The following TDRD3 variants were observed in gnomAD, a reference collection of about 807,000 sequenced individuals.
The protein encoded by TDRD3 is tudor domain containing 3.
In TDRD3, 45 loss-of-function variants were observed where a neutral mutation model predicts 86.7. That is an observed-to-expected ratio of 0.52 (90% CI 0.41 to 0.67). TDRD3 has a LOEUF of 0.67. Among genes scored for constraint, TDRD3 ranks in the 30% least tolerant of loss-of-function variants. TDRD3 has a pLI of 0.00. For synonymous variants in TDRD3, 298 were observed against 301.7 expected (o/e 0.99, Z 0.13); for missense variants, 814 against 889.0 (o/e 0.92, Z 1.07).
chr13:60,522,479 A>C (rs1415528915), intron 10 of TDRD3, among the ~76,000 whole-genome samples: 1 of 152,228 alleles, frequency 6.6e-6, no homozygotes, highest in Non-Finnish European at 1.5e-5. Flanking sequence ...AAAGCCAGAT[A>C]CTGTCCTAAG....
At chr13:60,450,211 TCAGA>T (rs1955505229) in intron 3 of TDRD3, among the ~76,000 whole-genome samples, 1 of 152,166 alleles carries the variant, frequency 6.6e-6, no homozygotes, top group African/African-American at 2.4e-5. Flanking sequence ...CCCTCAGCTG[TCAGA>T]CAAACTGCTA....
intron 5 of TDRD3, among the ~76,000 whole-genome samples, chr13:60,469,349 C>T (rs1566217109): frequency 1.3e-5 from 2 of 151,826 alleles, no homozygotes. Context: ...ATATAATTTT[C>T]CCACAACCCA....
chr13:60,444,587 C>A, intron 2 of TDRD3, 96 bp from the exon 3 acceptor site: 1 of 735,810 alleles, frequency 1.4e-6, no homozygotes, highest in Non-Finnish European at 2.1e-6. Flanking sequence ...ATTTTTGTTT[C>A]ACAAACCATA....
At chr13:60,482,173 G>A (rs944713073) in intron 5 of TDRD3, among the ~76,000 whole-genome samples, 2 of 152,256 alleles carry the variant, frequency 1.3e-5, no homozygotes, top group African/African-American at 4.8e-5. Flanking sequence ...GGTTTCTGGA[G>A]CTTCTTTATT....
intron 12 of TDRD3, among the ~76,000 whole-genome samples, chr13:60,562,347 A>C (rs1486993946): frequency 6.6e-6 from 1 of 152,022 alleles, no homozygotes; most frequent in Non-Finnish European, 1.5e-5. Context: ...AAAAGAAAAG[A>C]AAAGCTGATT....
intron 12 of TDRD3, among the ~76,000 whole-genome samples, chr13:60,564,980 A>T (rs1052965245): frequency 6.7e-6 from 1 of 150,276 alleles, no homozygotes; most frequent in African/African-American, 2.4e-5. Flanking sequence ...AGTATTTAAA[A>T]GTTAAAAAGC....
At chr13:60,553,881 G>A (rs781231484) in intron 12 of TDRD3, among the ~76,000 whole-genome samples, 2 of 151,970 alleles carry the variant, frequency 1.3e-5, no homozygotes, top group African/African-American at 2.4e-5. Context: ...ATATAATGAG[G>A]TTTTATATTA....
intron 4 of TDRD3, among the ~76,000 whole-genome samples, chr13:60,461,229 CAG>C (rs1291333938): frequency 2.0e-5 from 3 of 152,152 alleles, no homozygotes; most frequent in South Asian, 2.1e-4. Flanking sequence ...AATGTTCTTG[CAG>C]AGTTTTATAG....
intron 13 of TDRD3, among the ~76,000 whole-genome samples, chr13:60,569,588 T>G (rs1379557583): frequency 6.6e-6 from 1 of 152,130 alleles, no homozygotes; most frequent in African/African-American, 2.4e-5. Context: ...AAAATTTATA[T>G]GGAACCACAA....
chr13:60,445,518 A>T (rs965000719), intron 3 of TDRD3, among the ~76,000 whole-genome samples: 1 of 152,130 alleles, frequency 6.6e-6, no homozygotes, highest in African/African-American at 2.4e-5. Flanking sequence ...TCTTTTGGTT[A>T]TAGTGGCTAT....
At chr13:60,535,019 G>A in intron 11 of TDRD3, 89 bp from the exon 12 acceptor site, 1 of 1,490,284 alleles carries the variant, frequency 6.7e-7, no homozygotes, top group Non-Finnish European at 9.1e-7. Flanking sequence ...TTACACATTG[G>A]AACACTTTAA....
At chr13:60,544,127 C>T (rs1415064285) in intron 12 of TDRD3, among the ~76,000 whole-genome samples, 6 of 151,118 alleles carry the variant, frequency 4.0e-5, no homozygotes, top group Non-Finnish European at 7.4e-5. Flanking sequence ...TTTTTTCTGT[C>T]GTTAAGCTAG....
chr13:60,554,168 G>A (rs1958132395), intron 12 of TDRD3, among the ~76,000 whole-genome samples: 1 of 152,150 alleles, frequency 6.6e-6, no homozygotes, highest in South Asian at 2.1e-4. Flanking sequence ...GCTTGACATT[G>A]ACAGGATTCT....
intron 2 of TDRD3, among the ~76,000 whole-genome samples, chr13:60,442,437 T>C (rs1031097160): frequency 1.3e-5 from 2 of 151,962 alleles, no homozygotes; most frequent in African/African-American, 4.8e-5. Context: ...GTAGATGCTT[T>C]GAAAATTATT....
chr13:60,466,976 T>TTTG (rs981825265), intron 4 of TDRD3, among the ~76,000 whole-genome samples: 3 of 150,758 alleles, frequency 2.0e-5, no homozygotes, highest in Non-Finnish European at 4.5e-5. Context: ...GTGTGTGTGT[T>TTTG]TTTTTGTTTT....
At chr13:60,482,421 G>A in intron 5 of TDRD3, among the ~76,000 whole-genome samples, 1 of 152,050 alleles carries the variant, frequency 6.6e-6, no homozygotes, top group Non-Finnish European at 1.5e-5. Flanking sequence ...AAGATTGTTA[G>A]TTGTTTTTAA....
At position 60,484,836 on chromosome 13, in the gene TDRD3, A is replaced by C. The variant is rs777737217; in HGVS notation, c.568-963A>C. On this transcript the variant is annotated intron_variant, in intron 6 of 13. Transcript: ENST00000377881. ...TTCTAATAACTTATATTTGAAAATA[A>C]TAGTATATTTGTAAAAATTTACCCT... The C allele has an allele frequency of 8.6e-6, 3 of 350,684 alleles. No individual in the cohort carries two copies. In the East Asian group the frequency reaches 2.5e-4, roughly 29 times the overall value. 21.7% of individuals were successfully genotyped at this position (350,684 alleles called of 1,614,324 possible).
rs200205483 is a variant in TDRD3 at position 60,560,084 on chromosome 13, A to G, written c.2119-7441A>G. Among the ~76,000 whole-genome samples, 5 of 152,158 alleles carry G rather than the reference A, an allele frequency of 3.3e-5. No individual in the cohort carries two copies. In the East Asian group the frequency reaches 9.6e-4, roughly 29 times the overall value. ...AGGAATAACATTGACTGTAGAAAAA[A>G]GTTCCTGATAGAAAACTATGTGAAG... On this transcript the variant is annotated intron_variant, in intron 12 of 13. Transcript: ENST00000377881.
At chr13:60,475,457 C>T (rs1956164839) in intron 5 of TDRD3, among the ~76,000 whole-genome samples, 3 of 152,184 alleles carry the variant, frequency 2.0e-5, no homozygotes, top group African/African-American at 7.2e-5. Flanking sequence ...AGTATTCTAT[C>T]ATGTATATCT....
Sources: allele counts gnomAD v4.1 joint callset (sites outside exome capture counted in the v4.1 genomes callset), GRCh38; gene constraint gnomAD v4.1.1; transcripts MANE v1.5; gene names NCBI Gene and HGNC (gene_info 2026-07-23, HGNC 2026-07-21).